The following ATP9A variants were observed in gnomAD, a reference collection of about 807,000 sequenced individuals.
The protein encoded by ATP9A is ATPase phospholipid transporting 9A.
In ATP9A, 52 loss-of-function variants were observed where a neutral mutation model predicts 144.1. The observed-to-expected ratio is 0.36, with a 90% CI of 0.29 to 0.45. The LOEUF is 0.45. Among genes scored for constraint, ATP9A ranks in the 20% least tolerant of loss-of-function variants. The probability of loss-of-function intolerance (pLI) is 1.00; values close to 1 mark genes in which losing one functional copy is unlikely to be tolerated. For missense variants in ATP9A, 947 were observed against 1,392.7 expected (o/e 0.68, Z 5.09); for synonymous variants, 582 against 557.4 (o/e 1.04, Z -0.62).
intron 13 of ATP9A, among the ~76,000 whole-genome samples, chr20:51,657,690 T>A (rs1270315403): frequency 6.6e-6 from 1 of 152,174 alleles, no homozygotes; most frequent in Non-Finnish European, 1.5e-5. Flanking sequence ...GCTCACAATC[T>A]TCTTGGTTTA....
At chr20:51,617,809 G>C (rs1469476510) in intron 21 of ATP9A, among the ~76,000 whole-genome samples, 4 of 152,184 alleles carry the variant, frequency 2.6e-5, no homozygotes, top group African/African-American at 9.6e-5. Context: ...TGTCCACATA[G>C]GCATTTACCA....
At chr20:51,675,163 T>C (rs1276629706) in intron 10 of ATP9A, among the ~76,000 whole-genome samples, 3 of 152,116 alleles carry the variant, frequency 2.0e-5, no homozygotes, top group Non-Finnish European at 4.4e-5. Flanking sequence ...TCTAGTCTTT[T>C]AAAAAGTAAC....
chr20:51,658,422 G>A (rs59469654), intron 13 of ATP9A, among the ~76,000 whole-genome samples: 73,509 of 151,188 alleles, frequency 0.49, 18,582 homozygotes, highest in East Asian at 0.79. Context: ...CAGGAATCCT[G>A]AGAAACCCGC....
chr20:51,734,001 G>T (rs1424077983), intron 1 of ATP9A, among the ~76,000 whole-genome samples: 2 of 151,848 alleles, frequency 1.3e-5, no homozygotes, highest in African/African-American at 2.4e-5. Context: ...TCTTAAGATG[G>T]GGTCTCACTC....
intron 13 of ATP9A, among the ~76,000 whole-genome samples, chr20:51,668,938 ATTCTGCCTT>A (rs2077444927): frequency 6.6e-6 from 1 of 152,222 alleles, no homozygotes; most frequent in Non-Finnish European, 1.5e-5. Context: ...GTATTCAGGG[ATTCTGCCTT>A]TAACCTGTAT....
At chr20:51,605,117 C>T in intron 26 of ATP9A, 97 bp from the exon 27 acceptor site, 1 of 1,041,510 alleles carries the variant, frequency 9.6e-7, no homozygotes, top group Non-Finnish European at 1.3e-6. Flanking sequence ...TTCATTTAGA[C>T]ATGAAAGGCA....
At chr20:51,754,577 C>T (rs950110364) in intron 1 of ATP9A, among the ~76,000 whole-genome samples, 1 of 151,898 alleles carries the variant, frequency 6.6e-6, no homozygotes, top group Non-Finnish European at 1.5e-5. Flanking sequence ...CTTTGAGAGG[C>T]CAAAAGTGGA....
intron 1 of ATP9A, among the ~76,000 whole-genome samples, chr20:51,760,184 GTGTCA>G (rs1465376514): frequency 1.3e-5 from 2 of 152,150 alleles, no homozygotes; most frequent in African/African-American, 4.8e-5. Context: ...AAAAATACAC[GTGTCA>G]GATAAGCTGC....
At chr20:51,633,034 G>A (rs561479781) in intron 15 of ATP9A, among the ~76,000 whole-genome samples, 1 of 152,268 alleles carries the variant, frequency 6.6e-6, no homozygotes, top group South Asian at 2.1e-4. Context: ...TGAGGCAGGA[G>A]AATCACTTGA....
In ATP9A at chr20:51,611,872, G is replaced by A. The variant is rs180858561; in HGVS notation, c.2572-1707C>T. ...CTTTCAGGCTCCCCTACTCACAATTGCAATAGATATTTAAAACATAAAATC... is the reference window on the plus strand; with the variant it reads ...CTTTCAGGCTCCCCTACTCACAATTACAATAGATATTTAAAACATAAAATC... On this transcript the variant is annotated intron_variant, in intron 23 of 27. Coordinates refer to ENST00000338821, the MANE Select transcript of ATP9A (RefSeq NM_006045.3). The surrounding 1 kb of genome is among the most constrained non-coding windows in gnomAD (Gnocchi z 4.2). Among the ~76,000 whole-genome samples the A allele has an allele frequency of 6.6e-6, 1 of 152,280 alleles. No individual in the cohort carries two copies. Among genetic ancestry groups the A allele is most frequent in the Non-Finnish European group, 1.5e-5 (1 of 68,010 alleles).
At chr20:51,697,921 A>G (rs2077577630) in intron 4 of ATP9A, among the ~76,000 whole-genome samples, 1 of 152,218 alleles carries the variant, frequency 6.6e-6, no homozygotes, top group Non-Finnish European at 1.5e-5. Flanking sequence ...TATAATTGCT[A>G]CATGCTTTGA....
At chr20:51,687,036 T>A (rs965155324) in intron 9 of ATP9A, among the ~76,000 whole-genome samples, 5 of 152,056 alleles carry the variant, frequency 3.3e-5, no homozygotes, top group African/African-American at 1.2e-4. Context: ...ATGAGATAAT[T>A]ATTTTTCAGT....
chr20:51,682,202 AC>A (rs747163286), intron 9 of ATP9A, among the ~76,000 whole-genome samples: 8 of 152,188 alleles, frequency 5.3e-5, no homozygotes, highest in Non-Finnish European at 1.2e-4. Flanking sequence ...CATGCAATTT[AC>A]CCGTGTAGCA....
At chr20:51,724,160 A>G (rs1260488292) in intron 3 of ATP9A, among the ~76,000 whole-genome samples, 1 of 151,744 alleles carries the variant, frequency 6.6e-6, no homozygotes, top group African/African-American at 2.4e-5. Flanking sequence ...AATAAGAGCG[A>G]AACTCCATCT....
At chr20:51,642,337 T>C (rs1601076729) in intron 14 of ATP9A, among the ~76,000 whole-genome samples, 1 of 152,110 alleles carries the variant, frequency 6.6e-6, no homozygotes, top group East Asian at 1.9e-4. Flanking sequence ...GTAATTTTAA[T>C]AGAGATGGGA....
chr20:51,732,746 A>G (rs995911027), intron 1 of ATP9A, among the ~76,000 whole-genome samples: 5 of 151,986 alleles, frequency 3.3e-5, no homozygotes, highest in African/African-American at 1.2e-4. Flanking sequence ...CAAATCACCC[A>G]TGCTGGCCAT....
chr20:51,629,608 G>C (rs1263813223), intron 15 of ATP9A, among the ~76,000 whole-genome samples: 1 of 152,208 alleles, frequency 6.6e-6, no homozygotes, highest in African/African-American at 2.4e-5. Context: ...AATGTCTCTA[G>C]ACTTTAGCAA....
chr20:51,671,060 C>T, intron 12 of ATP9A, 55 bp downstream of exon 12: 2 of 1,591,240 alleles, frequency 1.3e-6, no homozygotes, highest in Middle Eastern at 1.7e-4. Context: ...CAGCCAAAGC[C>T]CTCAGGCATC....
At position 51,618,655 on chromosome 20, in the gene ATP9A, C is replaced by T; in HGVS notation, c.2350+7G>A. ...AGGGCCAGCAGCACAGCCTGAGCCT[C>T]GCCTACCTACTGCACAGGTGAGCTT... On this transcript the variant is annotated splice_region_variant and intron_variant, in intron 21 of 27. Transcript: ENST00000338821. The T allele has an allele frequency of 1.2e-6, 2 of 1,608,934 alleles. No homozygotes were observed. The highest frequency in any genetic ancestry group is 1.1e-5 in the South Asian group (1 of 90,952).
Sources: allele counts gnomAD v4.1 joint callset (sites outside exome capture counted in the v4.1 genomes callset), GRCh38; gene constraint gnomAD v4.1.1; non-coding constraint Gnocchi (gnomAD v3.1); transcripts MANE v1.5; gene names NCBI Gene and HGNC (gene_info 2026-07-23, HGNC 2026-07-21).